The following FAM13A variants were observed in gnomAD, a reference collection of about 807,000 sequenced individuals.
FAM13A encodes protein FAM13A.
In FAM13A, 76 loss-of-function variants were observed where a neutral mutation model predicts 129.6. That is an observed-to-expected ratio of 0.59 (90% CI 0.49 to 0.71). The LOEUF is 0.71. Ranked by LOEUF, FAM13A falls within the 30% of genes least tolerant of loss-of-function variation. The pLI, the probability that FAM13A is intolerant of heterozygous loss-of-function variation, is 0.00. For missense variants in FAM13A, 1,108 were observed against 1,249.3 expected (o/e 0.89, Z 1.70); for synonymous variants, 443 against 449.9 (o/e 0.98, Z 0.20).
intron 6 of FAM13A, among the ~76,000 whole-genome samples, chr4:88,877,165 G>A (rs1185058223): frequency 1.3e-5 from 2 of 152,158 alleles, no homozygotes; most frequent in African/African-American, 2.4e-5. Flanking sequence ...GCCTAATACT[G>A]AGTCTGATGT....
At chr4:89,015,077 G>T (rs918479097) in intron 3 of FAM13A, among the ~76,000 whole-genome samples, 2 of 152,202 alleles carry the variant, frequency 1.3e-5, no homozygotes, top group Admixed American at 6.5e-5. Context: ...TACGGTTGAA[G>T]ATAAGGGATG....
At position 88,925,572 on chromosome 4, in the gene FAM13A, G is replaced by T. The variant is rs532144765; in HGVS notation, c.759+12516C>A. On this transcript the variant is annotated intron_variant, in intron 5 of 23. Coordinates refer to ENST00000264344, the MANE Select transcript of FAM13A (RefSeq NM_014883.4). ...GACTGTTGTGGGGTGGGGGGAGGGG[G>T]GAGGTATATCTCCTAATGCTAAATG... is the stretch of plus-strand genomic sequence containing the variant. 1.2e-3 allele frequency among the ~76,000 whole-genome samples: 160 copies of T among 134,728 alleles called. 1 individual carries two copies. Among genetic ancestry groups the T allele is most frequent in the African/African-American group, 3.8e-3 (140 of 36,734 alleles). The allele number at this position is 134,728 out of a possible 152,430, so 88.4% of individuals were successfully genotyped here. A position where few individuals can be genotyped will look rare whatever the true frequency, so the allele number is the denominator to read the frequency against.
At chr4:88,991,656 A>G (rs1279709076) in intron 3 of FAM13A, among the ~76,000 whole-genome samples, 47 of 152,184 alleles carry the variant, frequency 3.1e-4, no homozygotes, top group Non-Finnish European at 7.3e-5. Context: ...TTTGAATAAA[A>G]TTTGATATGA....
At chr4:88,917,370 C>T (rs187802246) in intron 5 of FAM13A, among the ~76,000 whole-genome samples, 44 of 152,212 alleles carry the variant, frequency 2.9e-4, no homozygotes, top group East Asian at 1.9e-3. Context: ...AATCTATTCA[C>T]GAGGAATCCA....
chr4:89,004,097 A>C lies in FAM13A; in HGVS notation c.428-12947T>G, dbSNP rs190811070. Reference sequence around the variant, plus strand: ...CTTGGCATCGCAAAATGCTGGAATTATATAGTCATAAGCTACCACACCTGG... The same window carrying C: ...CTTGGCATCGCAAAATGCTGGAATTCTATAGTCATAAGCTACCACACCTGG... On this transcript the variant is annotated intron_variant, in intron 3 of 23. Coordinates refer to ENST00000264344, the MANE Select transcript of FAM13A (RefSeq NM_014883.4). 2.0e-5 allele frequency among the ~76,000 whole-genome samples: 3 copies of C among 152,234 alleles called. No individual in the cohort carries two copies. The East Asian group carries it at 5.8e-4, about 29-fold the overall frequency.
rs1317925296 is a variant in FAM13A, at chr4:88,801,430, G to A, written c.1049+3581C>T. ...CCAAAGCTGACCTTAATCCAAACAT[G>A]CTAAATTAATAATTTAGCCTCAGTT... is the stretch of plus-strand genomic sequence containing the variant. On this transcript the variant is annotated intron_variant, in intron 8 of 23. Transcript: ENST00000264344. Among the ~76,000 whole-genome samples the A allele has an allele frequency of 2.0e-5, 3 of 152,138 alleles. No homozygotes were observed. In the East Asian group the frequency reaches 5.8e-4, roughly 29 times the overall value.
intron 6 of FAM13A, among the ~76,000 whole-genome samples, chr4:88,868,707 CTT>C (rs1279146777): frequency 6.6e-6 from 1 of 152,190 alleles, no homozygotes; most frequent in African/African-American, 2.4e-5. Flanking sequence ...TAAACATGCA[CTT>C]TCTCTCACAT....
At chr4:88,873,815 C>T (rs551715310) in intron 6 of FAM13A, among the ~76,000 whole-genome samples, 1 of 152,152 alleles carries the variant, frequency 6.6e-6, no homozygotes, top group Non-Finnish European at 1.5e-5. Context: ...GATACCAAAG[C>T]CTGGCAGAGA....
intron 6 of FAM13A, among the ~76,000 whole-genome samples, chr4:88,877,002 T>C (rs1742647824): frequency 6.6e-6 from 1 of 152,184 alleles, no homozygotes; most frequent in African/African-American, 2.4e-5. Flanking sequence ...ATGGGAAAAA[T>C]ACATTGAACT....
chr4:88,799,732 C>T (rs1456726332), intron 8 of FAM13A, among the ~76,000 whole-genome samples: 2 of 152,214 alleles, frequency 1.3e-5, no homozygotes, highest in South Asian at 2.1e-4. Context: ...ATCCACCCGC[C>T]TTGGCCTCCC....
intron 6 of FAM13A, among the ~76,000 whole-genome samples, chr4:88,881,944 TA>T (rs921025555): frequency 6.6e-6 from 1 of 151,602 alleles, no homozygotes; most frequent in South Asian, 2.1e-4. Flanking sequence ...AAAAAGAATT[TA>T]AAAAAAATGA....
chr4:88,779,011 G>A (rs1028933032), intron 11 of FAM13A, among the ~76,000 whole-genome samples: 1 of 151,996 alleles, frequency 6.6e-6, no homozygotes, highest in African/African-American at 2.4e-5. Context: ...TGCATCCCTT[G>A]CCCCCTCACA....
chr4:88,885,577 C>T (rs1561250446), intron 6 of FAM13A, among the ~76,000 whole-genome samples: 1 of 152,082 alleles, frequency 6.6e-6, no homozygotes, highest in Non-Finnish European at 1.5e-5. Context: ...ACTGGAAAAC[C>T]CCTTCTAGAC....
At chr4:88,906,593 G>A (rs1748209729) in intron 5 of FAM13A, 131 bp from the exon 6 acceptor site, 5 of 639,132 alleles carry the variant, frequency 7.8e-6, no homozygotes, top group Non-Finnish European at 1.4e-5. Context: ...AGAAGCTGGT[G>A]AAATTGTAGT....
chr4:88,980,831 T>C (rs1761569734), intron 4 of FAM13A, among the ~76,000 whole-genome samples: 1 of 152,232 alleles, frequency 6.6e-6, no homozygotes, highest in Non-Finnish European at 1.5e-5. Context: ...TTATACATCA[T>C]GTTCGTGTCT....
intron 8 of FAM13A, among the ~76,000 whole-genome samples, chr4:88,794,349 T>C (rs1725747305): frequency 6.6e-6 from 1 of 151,932 alleles, no homozygotes; most frequent in East Asian, 1.9e-4. Context: ...TGAAATATAT[T>C]CTATGACATA....
chr4:88,967,539 C>A (rs1759512660), intron 4 of FAM13A, among the ~76,000 whole-genome samples: 1 of 152,102 alleles, frequency 6.6e-6, no homozygotes, highest in Admixed American at 6.5e-5. Flanking sequence ...CAAATATATT[C>A]AGGGTCTTCA....
At chr4:88,925,803 A>G (rs1056738851) in intron 5 of FAM13A, among the ~76,000 whole-genome samples, 4 of 151,426 alleles carry the variant, frequency 2.6e-5, no homozygotes, top group African/African-American at 9.7e-5. Context: ...ACGTGAGAGG[A>G]AAAAAAACCC....
rs751755636 is a variant in FAM13A, at chr4:88,747,722, G to A, written c.2291C>T (p.Ala764Val). The change falls in exon 18 of 24, where the codon GCA becomes GTA. Residue 764 changes from alanine (A) to valine (V), a missense_variant. Ala to Val is a moderately conservative substitution (Grantham distance 64, BLOSUM62 0). This residue lies in a region of FAM13A where 529 missense variants were observed against 621.2 expected (regional missense o/e 0.85). Coordinates refer to ENST00000264344, the MANE Select transcript of FAM13A (RefSeq NM_014883.4). Reference sequence around the variant, plus strand: ...TGTGGCTTCAACACTGGGCTTTATTGCTTTATCCACCAGCTCTTGCTTCTT... The same window carrying A: ...TGTGGCTTCAACACTGGGCTTTATTACTTTATCCACCAGCTCTTGCTTCTT... The part of the protein sequence containing the change: ...DEKKQELVDK[A>V]IKPSVEATLE... The A allele has an allele frequency of 6.2e-7, 1 of 1,614,004 alleles. No individual in the cohort carries two copies. Among genetic ancestry groups the A allele is most frequent in the Non-Finnish European group, 8.5e-7 (1 of 1,180,000 alleles).
Sources: gnomAD v4.1 joint callset for allele counts (sites outside exome capture counted in the v4.1 genomes callset) on GRCh38, gnomAD v4.1.1 for gene constraint, gnomAD v4.1.1 regional missense constraint, MANE v1.5 for transcripts, NCBI Gene and HGNC (gene_info 2026-07-23, HGNC 2026-07-21) for gene names.